The following CCDC85C variants were observed in gnomAD, a reference collection of about 807,000 sequenced individuals.
CCDC85C encodes coiled-coil domain containing 85C.
A neutral mutation model predicts 38.3 loss-of-function variants in CCDC85C; 18 were observed. That is an observed-to-expected ratio of 0.47 (90% CI 0.33 to 0.70). The LOEUF is 0.70. CCDC85C is among the 30% of genes least tolerant of loss of function. The pLI is 0.03. For synonymous variants in CCDC85C, 264 were observed against 293.8 expected, an observed-to-expected ratio of 0.90 and a Z score of 1.04; for missense variants, 566 against 621.2, an observed-to-expected ratio of 0.91 and a Z score of 0.94.
intron 1 of CCDC85C, among the ~76,000 whole-genome samples, chr14:99,573,263 T>C (rs1595094602): frequency 6.6e-6 from 1 of 152,254 alleles, no homozygotes; most frequent in Non-Finnish European, 1.5e-5. Flanking sequence ...GAGCCATGGG[T>C]GGCCAGGACT....
At position 99,520,885 on chromosome 14, in the gene CCDC85C, A is replaced by G. The variant is rs1168331230; in HGVS notation, c.975+1248T>C. 6.6e-6 allele frequency among the ~76,000 whole-genome samples: 1 copy of G among 152,268 alleles called. No homozygotes were observed. The highest frequency in any genetic ancestry group is 2.4e-5 in the African/African-American group (1 of 41,478). On this transcript the variant is annotated intron_variant, in intron 3 of 5. Transcript: ENST00000380243. This position sits in a 1 kb window ranked among gnomAD's most constrained non-coding sequence, Gnocchi z 4.1. ...ACCCTTTCCCAAGGCTGCCTCCTCC[A>G]GGAAGCCTTCCTGAACATTCCTGAA...
intron 1 of CCDC85C, among the ~76,000 whole-genome samples, chr14:99,567,910 A>T (rs8018119): frequency 0.58 from 87,897 of 152,088 alleles, 26,060 homozygotes; most frequent in African/African-American, 0.72. Flanking sequence ...CCTGGATCAC[A>T]CAGGGTGCTA....
intron 1 of CCDC85C, among the ~76,000 whole-genome samples, chr14:99,573,395 T>C (rs1193869352): frequency 6.6e-6 from 1 of 152,200 alleles, no homozygotes; most frequent in Non-Finnish European, 1.5e-5. Flanking sequence ...TGTTCTGAGC[T>C]CCACTGAAGG....
In CCDC85C at chr14:99,603,779, G is replaced by A; in HGVS notation, c.181C>T (p.Gln61Ter). The change falls in exon 1 of 6, where the codon CAG becomes TAG. Residue 61 changes from glutamine to a stop codon, truncating the protein, a stop_gained. Coordinates refer to ENST00000380243, the MANE Select transcript of CCDC85C (RefSeq NM_001144995.2). LOFTEE classifies it high-confidence loss of function. The surrounding 1 kb of genome is among the most constrained non-coding windows in gnomAD (Gnocchi z 7.5). The stretch of plus-strand genomic sequence containing the variant: ...CCGCGGATCTCCAGCAGGTGCTGCT[G>A]CAGCCGCCGGTTCACGTCGCGCATC... ...GLMRDVNRRL[Q>*]QHLLEIRGLK... 6.6e-7 allele frequency: 1 copy of A among 1,526,070 alleles called. No homozygotes were observed. Among genetic ancestry groups the A allele is most frequent in the African/African-American group, 1.4e-5 (1 of 71,774 alleles). The allele number at this position is 1,526,070 out of a possible 1,614,324, so 94.5% of individuals were successfully genotyped here. A position where few individuals can be genotyped will look rare whatever the true frequency, so the allele number is the denominator to read the frequency against.
At chr14:99,593,642 A>G (rs1042644708) in intron 1 of CCDC85C, among the ~76,000 whole-genome samples, 1 of 152,204 alleles carries the variant, frequency 6.6e-6, no homozygotes. Context: ...TTTACTCCTC[A>G]CTGCTAACGT....
chr14:99,538,414 G>A (rs975002272), intron 1 of CCDC85C, among the ~76,000 whole-genome samples: 6 of 152,194 alleles, frequency 3.9e-5, no homozygotes, highest in African/African-American at 1.4e-4. Context: ...TCCTCAGCAC[G>A]GCCACAGGGC....
chr14:99,553,967 C>T (rs1228900752), intron 1 of CCDC85C, among the ~76,000 whole-genome samples: 2 of 152,178 alleles, frequency 1.3e-5, no homozygotes, highest in Non-Finnish European at 2.9e-5. Flanking sequence ...CAGGAAGCCA[C>T]TGATTCTGCA....
At chr14:99,554,294 G>C (rs191513282) in intron 1 of CCDC85C, among the ~76,000 whole-genome samples, 1 of 150,368 alleles carries the variant, frequency 6.7e-6, no homozygotes, top group East Asian at 2.0e-4. Flanking sequence ...CCACGGCACT[G>C]CACTTCTAAC....
At chr14:99,571,843 C>G (rs1898351874) in intron 1 of CCDC85C, among the ~76,000 whole-genome samples, 1 of 152,206 alleles carries the variant, frequency 6.6e-6, no homozygotes, top group Non-Finnish European at 1.5e-5. Flanking sequence ...ATCAGAACAA[C>G]AAATCCCACC....
At chr14:99,601,445 T>G (rs2055197616) in intron 1 of CCDC85C, among the ~76,000 whole-genome samples, 1 of 152,186 alleles carries the variant, frequency 6.6e-6, no homozygotes, top group Non-Finnish European at 1.5e-5. Flanking sequence ...ACAGAGCCTT[T>G]CCTGCAAGTA....
At position 99,513,146 on chromosome 14, in the gene CCDC85C, C is replaced by G. The variant is rs1472243334; in HGVS notation, c.*2100G>C. 1.3e-5 allele frequency: 2 copies of G among 152,222 alleles called. No individual in the cohort carries two copies. The highest frequency in any genetic ancestry group is 2.9e-5 in the Non-Finnish European group (2 of 68,032). 9.4% of individuals were successfully genotyped at this position (152,222 alleles called of 1,614,324 possible). ...GTGGCTTCAAGGCTGTTCTCTGGGC[C>G]TGTTTGCAGGAGATCCGCAGGTACC... On this transcript the variant is annotated 3_prime_UTR_variant, in exon 6 of 6. Coordinates refer to ENST00000380243, the MANE Select transcript of CCDC85C (RefSeq NM_001144995.2).
Position 99,516,572 on chromosome 14 carries a change from G to C in CCDC85C, c.1072-286C>G, listed in dbSNP as rs892349518. Among the ~76,000 whole-genome samples, 1 of 152,136 alleles carries C rather than the reference G, an allele frequency of 6.6e-6. No individual in the cohort carries two copies. Among genetic ancestry groups the C allele is most frequent in the Non-Finnish European group, 1.5e-5 (1 of 68,006 alleles). ...AGACAGGTGGACTCACTGCAACCCA[G>C]GGCCCGCTGGAGATGAGTGGGCACT... On this transcript the variant is annotated intron_variant, in intron 4 of 5. Coordinates refer to ENST00000380243, the MANE Select transcript of CCDC85C (RefSeq NM_001144995.2). This position sits in a 1 kb window ranked among gnomAD's most constrained non-coding sequence, Gnocchi z 5.5.
chr14:99,584,437 G>A (rs1426159433), intron 1 of CCDC85C, among the ~76,000 whole-genome samples: 1 of 152,092 alleles, frequency 6.6e-6, no homozygotes, highest in Non-Finnish European at 1.5e-5. Context: ...TTATCCAGCA[G>A]GCCACTCGGA....
At chr14:99,568,668 C>T (rs999431292) in intron 1 of CCDC85C, among the ~76,000 whole-genome samples, 4 of 152,172 alleles carry the variant, frequency 2.6e-5, no homozygotes, top group Non-Finnish European at 5.9e-5. Context: ...AGGAGGATGC[C>T]GCTGGGCCTC....
At chr14:99,555,148 C>G (rs1897986500) in intron 1 of CCDC85C, among the ~76,000 whole-genome samples, 1 of 152,204 alleles carries the variant, frequency 6.6e-6, no homozygotes, top group Non-Finnish European at 1.5e-5. Flanking sequence ...GGACAGGGAG[C>G]TAGGGAGCCT....
Position 99,511,922 on chromosome 14 carries a change from G to A in CCDC85C, c.*3324C>T, listed in dbSNP as rs1218349453. ...ACCTTGAGGGGCCACGGCTCTGTCT[G>A]TGGAAGGGGCCCCGACTGAGCCCCC... On this transcript the variant is annotated 3_prime_UTR_variant, in exon 6 of 6. Transcript: ENST00000380243. The A allele has an allele frequency of 6.6e-6, 1 of 152,370 alleles. No individual in the cohort carries two copies. The highest frequency in any genetic ancestry group is 1.5e-5 in the Non-Finnish European group (1 of 68,042). The allele number at this position is 152,370 out of a possible 1,614,324, so 9.4% of individuals were successfully genotyped here. A position where few individuals can be genotyped will look rare whatever the true frequency, so the allele number is the denominator to read the frequency against.
chr14:99,552,547 G>A (rs1897931458), intron 1 of CCDC85C, among the ~76,000 whole-genome samples: 1 of 152,240 alleles, frequency 6.6e-6, no homozygotes, highest in Non-Finnish European at 1.5e-5. Flanking sequence ...ACCTCTCAAA[G>A]GGAAGGCCAG....
intron 1 of CCDC85C, among the ~76,000 whole-genome samples, chr14:99,581,528 A>G (rs968107965): frequency 2.0e-5 from 3 of 152,216 alleles, no homozygotes; most frequent in Non-Finnish European, 2.9e-5. Context: ...TGACCGGTGC[A>G]GGCCTGCCTG....
chr14:99,586,832 GC>G (rs1478049024), intron 1 of CCDC85C, among the ~76,000 whole-genome samples: 1 of 152,172 alleles, frequency 6.6e-6, no homozygotes, highest in South Asian at 2.1e-4. Context: ...GTCCATCAAG[GC>G]CCCCCGGCCA....
Sources: allele counts gnomAD v4.1 joint callset (sites outside exome capture counted in the v4.1 genomes callset), GRCh38; gene constraint gnomAD v4.1.1; non-coding constraint Gnocchi (gnomAD v3.1); transcripts MANE v1.5; gene names NCBI Gene and HGNC (gene_info 2026-07-23, HGNC 2026-07-21).